DPP6: variants seen among roughly 807,000 people sequenced by gnomAD.
DPP6 encodes the protein dipeptidyl peptidase like 6, also known as A-type potassium channel modulatory protein DPP6.
Under a neutral mutation model 122.6 loss-of-function variants are expected in DPP6, and 69 were observed. That is an observed-to-expected ratio of 0.56 (90% CI 0.46 to 0.69). The LOEUF is 0.69. Ranked by LOEUF, DPP6 falls within the 30% of genes least tolerant of loss-of-function variation. The pLI is 0.00. For missense variants in DPP6, 928 were observed against 1,116.9 expected (o/e 0.83, Z 2.41); for synonymous variants, 418 against 433.1 (o/e 0.97, Z 0.43).
chr7:154,437,757 G>A (rs1431177700), intron 1 of DPP6, among the ~76,000 whole-genome samples: 7 of 152,132 alleles, frequency 4.6e-5, no homozygotes, highest in African/African-American at 1.2e-4. Flanking sequence ...CCAACATGGC[G>A]AAACCCAGTC....
At chr7:154,103,296 G>A (rs1805888116) in intron 1 of DPP6, among the ~76,000 whole-genome samples, 1 of 152,196 alleles carries the variant, frequency 6.6e-6, no homozygotes, top group South Asian at 2.1e-4. Context: ...CCATACTGAT[G>A]GCATTAGGTT....
chr7:154,537,667 G>T (rs1347664152), intron 3 of DPP6, among the ~76,000 whole-genome samples: 1 of 150,888 alleles, frequency 6.6e-6, no homozygotes, highest in Non-Finnish European at 1.5e-5. Context: ...TCCAGCCTGG[G>T]CAACAAGAGT....
chr7:154,052,131 C>T (rs1328357349), upstream of DPP6, among the ~76,000 whole-genome samples: 2 of 151,228 alleles, frequency 1.3e-5, no homozygotes, highest in African/African-American at 2.4e-5. This position sits in a 1 kb window ranked among gnomAD's most constrained non-coding sequence, Gnocchi z 4.8. Flanking sequence ...CGCAGCACTA[C>T]CTTCGGTGGG....
At chr7:154,450,828 T>C (rs752312284) in intron 2 of DPP6, among the ~76,000 whole-genome samples, 17 of 152,228 alleles carry the variant, frequency 1.1e-4, no homozygotes, top group Non-Finnish European at 1.6e-4. Flanking sequence ...CTAACGAATA[T>C]AGAGGAAGTC....
chr7:154,860,547 A>AGAGAT (rs1803296486), intron 17 of DPP6, among the ~76,000 whole-genome samples: 1 of 152,158 alleles, frequency 6.6e-6, no homozygotes, highest in East Asian at 1.9e-4. Flanking sequence ...CCCTGCAGGG[A>AGAGAT]GAGATGCACC....
chr7:153,892,811 C>T (rs1799262998), intron 1 of DPP6, among the ~76,000 whole-genome samples: 1 of 152,176 alleles, frequency 6.6e-6, no homozygotes, highest in Non-Finnish European at 1.5e-5. Flanking sequence ...TCTAAGGTCA[C>T]AGTTTTCTGA....
chr7:154,579,943 AAAGAGAGAGCACAG>A (rs1831938077), intron 5 of DPP6, among the ~76,000 whole-genome samples: 1 of 152,124 alleles, frequency 6.6e-6, no homozygotes, highest in South Asian at 2.1e-4. Context: ...AAAATCTTTA[AAAGAGAGAGCACAG>A]AAGAGAGAGA....
chr7:153,893,023 A>G (rs992386239), intron 1 of DPP6, among the ~76,000 whole-genome samples: 1 of 152,170 alleles, frequency 6.6e-6, no homozygotes, highest in African/African-American at 2.4e-5. Context: ...AGGAATGGGG[A>G]TACTTTAAAC....
At chr7:154,180,458 A>G (rs1385306572) in intron 1 of DPP6, among the ~76,000 whole-genome samples, 2 of 145,130 alleles carry the variant, frequency 1.4e-5, no homozygotes, top group Admixed American at 7.0e-5. Flanking sequence ...TATATTATAT[A>G]TAGATATATA....
At chr7:154,737,270 A>T (rs577479042) in intron 8 of DPP6, among the ~76,000 whole-genome samples, 1 of 151,962 alleles carries the variant, frequency 6.6e-6, no homozygotes, top group South Asian at 2.1e-4. Context: ...GGTTCCAGGA[A>T]CCCCACTGCA....
At chr7:154,450,809 T>C (rs2151297493) in intron 2 of DPP6, among the ~76,000 whole-genome samples, 1 of 152,330 alleles carries the variant, frequency 6.6e-6, no homozygotes, top group East Asian at 1.9e-4. Flanking sequence ...CTTTAACCAC[T>C]ACATATTTCT....
chr7:153,895,146 G>GA (rs528910338), intron 1 of DPP6, among the ~76,000 whole-genome samples: 11 of 152,130 alleles, frequency 7.2e-5, no homozygotes, highest in African/African-American at 2.2e-4. Flanking sequence ...TTCACGCCCA[G>GA]AAAAAATTAA....
At chr7:154,473,489 T>C (rs1394811708) in intron 2 of DPP6, among the ~76,000 whole-genome samples, 1 of 152,156 alleles carries the variant, frequency 6.6e-6, no homozygotes, top group East Asian at 1.9e-4. Context: ...GATCAGTCAA[T>C]GCACAAAGGA....
chr7:154,773,325 G>A (rs1052779290), intron 10 of DPP6, among the ~76,000 whole-genome samples: 1 of 152,146 alleles, frequency 6.6e-6, no homozygotes, highest in East Asian at 1.9e-4. Flanking sequence ...TTAGAGCATG[G>A]AGCAATTTGC....
chr7:154,351,410 TCAGAACC>T (rs1784297647), intron 1 of DPP6, among the ~76,000 whole-genome samples: 1 of 152,122 alleles, frequency 6.6e-6, no homozygotes, highest in Non-Finnish European at 1.5e-5. Context: ...GGTCTCCAGC[TCAGAACC>T]CAGGAGCCAA....
chr7:154,476,701 T>C (rs965970967), intron 3 of DPP6, among the ~76,000 whole-genome samples: 1 of 152,202 alleles, frequency 6.6e-6, no homozygotes, highest in Admixed American at 6.5e-5. Flanking sequence ...AGGTCTAGAA[T>C]GTTAGTCTTG....
At chr7:154,837,954 T>C (rs1801214452) in intron 16 of DPP6, among the ~76,000 whole-genome samples, 1 of 152,206 alleles carries the variant, frequency 6.6e-6, no homozygotes, top group Non-Finnish European at 1.5e-5. Flanking sequence ...AAGACTCTTA[T>C]ATTCACATTC....
At position 154,868,033 on chromosome 7, in the gene DPP6, G is replaced by C. The variant is rs375516548; in HGVS notation, c.1753G>C (p.Ala585Pro). Reference sequence around the variant, plus strand: ...AGAAACAAATGAACATGTCAAGAAGGCCATAAATGACCGACAGATGCCTAA... The same window carrying C: ...AGAAACAAATGAACATGTCAAGAAGCCCATAAATGACCGACAGATGCCTAA... Reference protein sequence around the residue: ...DLETNEHVKKAINDRQMPKVE... With the variant: ...DLETNEHVKKPINDRQMPKVE... The change falls in exon 18 of 26, where the codon GCC becomes CCC. Residue 585 changes from alanine to proline, a missense_variant. Ala to Pro is a conservative substitution (Grantham distance 27). Coordinates refer to ENST00000377770, the MANE Select transcript of DPP6 (RefSeq NM_130797.4). 1 of 1,608,502 alleles carries C rather than the reference G, an allele frequency of 6.2e-7. No individual in the cohort carries two copies. The highest frequency in any genetic ancestry group is 2.2e-5 in the East Asian group (1 of 44,798).
chr7:153,754,748 A>G, the DPP6 span, among the ~76,000 whole-genome samples: 1 of 152,028 alleles, frequency 6.6e-6, no homozygotes, highest in South Asian at 2.1e-4. Flanking sequence ...TTTCAGATTT[A>G]ATTTCTGTGG....
Sources: gnomAD v4.1 joint callset for allele counts (sites outside exome capture counted in the v4.1 genomes callset) on GRCh38, gnomAD v4.1.1 for gene constraint, Gnocchi (gnomAD v3.1) non-coding constraint, MANE v1.5 for transcripts, NCBI Gene and HGNC (gene_info 2026-07-23, HGNC 2026-07-21) for gene names.